The following C14orf132 variants were observed in gnomAD, a reference collection of about 807,000 sequenced individuals.
C14orf132 encodes the protein chromosome 14 open reading frame 132.
Under a neutral mutation model 5.8 loss-of-function variants are expected in C14orf132, and 6 were observed. The observed-to-expected ratio is 1.03, with a 90% CI of 0.57 to 2.04. The LOEUF is 2.04. Among genes scored for constraint, C14orf132 ranks in the 30% most tolerant of loss-of-function variants. The pLI, the probability that C14orf132 is intolerant of heterozygous loss-of-function variation, is 0.00. For missense variants in C14orf132, 125 were observed against 115.8 expected (o/e 1.08, Z -0.37); for synonymous variants, 51 against 49.8 (o/e 1.02, Z -0.10).
intron 1 of C14orf132, among the ~76,000 whole-genome samples, chr14:96,049,875 A>G (rs1173502732): frequency 6.6e-6 from 1 of 151,420 alleles, no homozygotes; most frequent in Non-Finnish European, 1.5e-5. Flanking sequence ...GCTATTAATA[A>G]TAGCCCCACC....
At chr14:96,078,926 G>A (rs1450471518) in intron 1 of C14orf132, among the ~76,000 whole-genome samples, 1 of 152,224 alleles carries the variant, frequency 6.6e-6, no homozygotes, top group East Asian at 1.9e-4. Context: ...CTGCTCTGTG[G>A]GGCTTCAGCC....
chr14:96,052,964 T>G lies in C14orf132; in HGVS notation c.27+13437T>G, dbSNP rs574228076. On this transcript the variant is annotated intron_variant, in intron 1 of 1. Transcript: ENST00000555004. ...GGCTGACCCCTTTAAACCTCTGGAC[T>G]TCTCTGTCAAAATGGTGACTCAGAG... Among the ~76,000 whole-genome samples the G allele has an allele frequency of 1.2e-4, 19 of 152,248 alleles. No individual in the cohort carries two copies. In the South Asian group the frequency reaches 3.5e-3, roughly 28 times the overall value.
chr14:96,046,021 G>T (rs1450174466), intron 1 of C14orf132, among the ~76,000 whole-genome samples: 1 of 152,158 alleles, frequency 6.6e-6, no homozygotes, highest in Non-Finnish European at 1.5e-5. Context: ...AGGTGACTTG[G>T]GCTTCCTCCC....
At chr14:96,060,590 T>C (rs7150160) in intron 1 of C14orf132, among the ~76,000 whole-genome samples, 2,976 of 152,134 alleles carry the variant, frequency 0.02, 116 homozygotes, top group East Asian at 0.17. Context: ...CCTGACAGAG[T>C]AGTGTCCTTC....
At chr14:96,059,509 A>C (rs1887281604) in intron 1 of C14orf132, among the ~76,000 whole-genome samples, 1 of 152,182 alleles carries the variant, frequency 6.6e-6, no homozygotes, top group Admixed American at 6.5e-5. Flanking sequence ...CCACACAGGG[A>C]GCAAGTGGCA....
chr14:96,052,096 T>A (rs1262162948), intron 1 of C14orf132, among the ~76,000 whole-genome samples: 1 of 152,250 alleles, frequency 6.6e-6, no homozygotes, highest in African/African-American at 2.4e-5. Context: ...TTGCCCAAAG[T>A]CATCCAGGTG....
rs186898261 is a variant in C14orf132, at chr14:96,089,342, G to T, written c.*2607G>T. 1 of 152,308 alleles carries T rather than the reference G, an allele frequency of 6.6e-6. No individual in the cohort carries two copies. The highest frequency in any genetic ancestry group is 1.9e-4 in the East Asian group (1 of 5,176). The allele number at this position is 152,308 out of a possible 1,614,324, so 9.4% of individuals were successfully genotyped here. A position where few individuals can be genotyped will look rare whatever the true frequency, so the allele number is the denominator to read the frequency against. On this transcript the variant is annotated 3_prime_UTR_variant, in exon 2 of 2. Transcript: ENST00000555004. The stretch of plus-strand genomic sequence containing the variant: ...CTTACAATCACCACACAGCATCATC[G>T]CCCCAGTGCACAGATGAGGAACCAG...
rs916838953 is a variant in C14orf132, at chr14:96,093,869, G to T, written c.*7134G>T. 6.6e-6 allele frequency: 1 copy of T among 152,188 alleles called. No homozygotes were observed. The highest frequency in any genetic ancestry group is 1.5e-5 in the Non-Finnish European group (1 of 68,036). The allele number at this position is 152,188 out of a possible 1,614,324, so 9.4% of individuals were successfully genotyped here. On this transcript the variant is annotated 3_prime_UTR_variant, in exon 2 of 2. Coordinates refer to ENST00000555004, the MANE Select transcript of C14orf132 (RefSeq NM_001252507.3). ...CATTTTCTATTATGATAACTGAAAAGAGAAAAGAAGAAAACATGAACTCCT... is the reference window on the plus strand; with the variant it reads ...CATTTTCTATTATGATAACTGAAAATAGAAAAGAAGAAAACATGAACTCCT...
intron 1 of C14orf132, among the ~76,000 whole-genome samples, chr14:96,049,570 ACATATATACG>A (rs1886950199): frequency 8.0e-6 from 1 of 124,370 alleles, no homozygotes; most frequent in Admixed American, 7.9e-5. Flanking sequence ...ACGTATATAT[ACATATATACG>A]TATATATATA....
At chr14:96,058,533 A>G (rs534807388) in intron 1 of C14orf132, among the ~76,000 whole-genome samples, 2 of 152,328 alleles carry the variant, frequency 1.3e-5, no homozygotes, top group African/African-American at 4.8e-5. Context: ...GAACATCTCA[A>G]GCAAAGCAAG....
At chr14:96,081,029 T>C (rs578070388) in intron 1 of C14orf132, among the ~76,000 whole-genome samples, 1 of 152,346 alleles carries the variant, frequency 6.6e-6, no homozygotes, top group African/African-American at 2.4e-5. Flanking sequence ...TTTCATCATG[T>C]TTGCCTTGTC....
intron 1 of C14orf132, among the ~76,000 whole-genome samples, chr14:96,063,157 C>A (rs548967555): frequency 4.5e-4 from 69 of 152,142 alleles, no homozygotes; most frequent in Non-Finnish European, 9.0e-4. Flanking sequence ...CAGCCGTTGA[C>A]TTGCAGCTGG....
At position 96,056,701 on chromosome 14, in the gene C14orf132, C is replaced by G. The variant is rs192449031; in HGVS notation, c.27+17174C>G. Among the ~76,000 whole-genome samples, 129 of 152,034 alleles carry G rather than the reference C, an allele frequency of 8.5e-4. 1 individual carries two copies. The highest frequency in any genetic ancestry group is 2.8e-3 in the African/African-American group (116 of 41,416). ...TGCACTATTTTCTGTTTTTTTTGGT[C>G]TGCAAAATGCAGGTTGAGTGGGTAG... On this transcript the variant is annotated intron_variant, in intron 1 of 1. Coordinates refer to ENST00000555004, the MANE Select transcript of C14orf132 (RefSeq NM_001252507.3).
chr14:96,060,909 C>T (rs532377297), intron 1 of C14orf132, among the ~76,000 whole-genome samples: 5 of 152,312 alleles, frequency 3.3e-5, no homozygotes, highest in Non-Finnish European at 5.9e-5. Flanking sequence ...TTTCCATAGC[C>T]CATTGTGTAT....
chr14:96,047,726 G>T (rs909103383), intron 1 of C14orf132, among the ~76,000 whole-genome samples: 1 of 152,150 alleles, frequency 6.6e-6, no homozygotes. Context: ...TTATTTTTAA[G>T]AACTTTTTTA....
chr14:96,040,748 C>CTT (rs34675675), intron 1 of C14orf132, among the ~76,000 whole-genome samples: 3 of 146,914 alleles, frequency 2.0e-5, no homozygotes, highest in East Asian at 3.9e-4. Context: ...ATCGCTGGCC[C>CTT]TTTTTTTTTT....
chr14:96,055,108 C>T (rs1887139273), intron 1 of C14orf132, among the ~76,000 whole-genome samples: 1 of 152,192 alleles, frequency 6.6e-6, no homozygotes, highest in Non-Finnish European at 1.5e-5. Flanking sequence ...ACATGAGACT[C>T]CCGGAGTCAA....
At chr14:96,055,797 A>G (rs1261637659) in intron 1 of C14orf132, among the ~76,000 whole-genome samples, 1 of 152,078 alleles carries the variant, frequency 6.6e-6, no homozygotes, top group Non-Finnish European at 1.5e-5. Flanking sequence ...CATCCTTCTG[A>G]CCACTTAAAT....
intron 1 of C14orf132, among the ~76,000 whole-genome samples, chr14:96,078,794 G>A (rs761129995): frequency 6.6e-6 from 1 of 152,156 alleles, no homozygotes; most frequent in Non-Finnish European, 1.5e-5. Flanking sequence ...AGTCCTGCCC[G>A]CCCCAGCTCA....
Sources: gnomAD v4.1 joint callset for allele counts (sites outside exome capture counted in the v4.1 genomes callset) on GRCh38, gnomAD v4.1.1 for gene constraint, MANE v1.5 for transcripts, NCBI Gene and HGNC (gene_info 2026-07-23, HGNC 2026-07-21) for gene names.